Variants in DSP observed in about 807,000 individuals in gnomAD.
DSP encodes desmoplakin, also known as 250/210 kDa paraneoplastic pemphigus antigen.
Under a neutral mutation model 290.6 loss-of-function variants are expected in DSP, and 114 were observed. That is an observed-to-expected ratio of 0.39 (90% confidence interval 0.34 to 0.46). The LOEUF (loss-of-function observed/expected upper bound fraction) is 0.46. DSP is among the 20% of genes least tolerant of loss of function. The pLI is 0.99. For synonymous variants in DSP, 1,311 were observed against 1,316.4 expected (o/e 1.00, Z 0.09); for missense variants, 3,230 against 3,495.8 (o/e 0.92, Z 1.92).
At chr6:7,578,702 G>T (rs888262608) in intron 22 of DSP, 140 bp downstream of exon 22, 16 of 696,684 alleles carry the variant, frequency 2.3e-5, no homozygotes, top group Non-Finnish European at 3.4e-5. Flanking sequence ...AATACTGCTT[G>T]TTTGTAAGTC....
At position 7,579,524 on chromosome 6, in the gene DSP, A is replaced by C; in HGVS notation, c.3334A>C (p.Thr1112Pro). The C allele has an allele frequency of 1.2e-6, 2 of 1,613,974 alleles. No homozygotes were observed. The change falls in exon 23 of 24, where the codon ACC becomes CCC. Residue 1112 changes from threonine to proline, a missense_variant. This residue lies in a region of DSP where 1,714 missense variants were observed against 1,844.5 expected (regional missense o/e 0.93). Transcript: ENST00000379802. This position sits in a 1 kb window ranked among gnomAD's most constrained non-coding sequence, Gnocchi z 4.1. ...GQIKELNEKI[T>P]RLTYEIEDEK... ...AATAAAAGAACTCAATGAGAAGATC[A>C]CCCGACTGACTTATGAGATTGAAGA... is the stretch of plus-strand genomic sequence containing the variant.
intron 1 of DSP, among the ~76,000 whole-genome samples, chr6:7,551,775 T>G (rs969949163): frequency 2.0e-5 from 3 of 152,202 alleles, no homozygotes; most frequent in Non-Finnish European, 4.4e-5. Context: ...TCCTCCCTGA[T>G]TAAGTACAGC....
chr6:7,547,123 C>T (rs536956446), intron 1 of DSP, among the ~76,000 whole-genome samples: 1 of 152,020 alleles, frequency 6.6e-6, no homozygotes, highest in African/African-American at 2.4e-5. Context: ...AGTGCCTCAC[C>T]CCTTGATTTT....
intron 1 of DSP, among the ~76,000 whole-genome samples, chr6:7,546,185 TAGGTATTGCCAAGGTGGAGTGAC>T (rs1199214846): frequency 6.6e-6 from 1 of 152,054 alleles, no homozygotes; most frequent in Non-Finnish European, 1.5e-5. Context: ...GATGGAAAAG[TAGGTATTGCCAAGGTGGAGTGAC>T]AGCTTCAGCT....
chr6:7,547,820 T>C (rs1312090235), intron 1 of DSP, among the ~76,000 whole-genome samples: 1 of 152,152 alleles, frequency 6.6e-6, no homozygotes, highest in Non-Finnish European at 1.5e-5. Flanking sequence ...TATTTTTGAG[T>C]CTTGTAGGGA....
At chr6:7,545,944 T>C (rs1758159196) in intron 1 of DSP, among the ~76,000 whole-genome samples, 1 of 152,168 alleles carries the variant, frequency 6.6e-6, no homozygotes, top group Non-Finnish European at 1.5e-5. Flanking sequence ...GAAGCATCCT[T>C]TTTTGACCAA....
intron 1 of DSP, among the ~76,000 whole-genome samples, chr6:7,554,846 G>A (rs1758459889): frequency 6.6e-6 from 1 of 151,844 alleles, no homozygotes; most frequent in African/African-American, 2.4e-5. Context: ...TGTAAGACAG[G>A]GTCTTGCTAT....
At chr6:7,571,319 C>T in intron 13 of DSP, 64 bp from the exon 14 acceptor site, 1 of 1,597,410 alleles carries the variant, frequency 6.3e-7, no homozygotes, top group East Asian at 2.2e-5. Flanking sequence ...TTTTGGCCAA[C>T]TCTTCTTGAT....
At position 7,579,902 on chromosome 6, in the gene DSP, C is replaced by A. The variant is rs767519046; in HGVS notation, c.3712C>A (p.Gln1238Lys). ...GGATGATTCCAAAAATCTTAGAAAC[C>A]AGCTTGATAGACTTTCAAGGGAAAA... ...KEDDSKNLRN[Q>K]LDRLSRENRD... The change falls in exon 23 of 24, where the codon CAG (glutamine) becomes AAG (lysine). Residue 1238 changes from glutamine (Q) to lysine (K), a missense_variant. Gln to Lys is a moderately conservative substitution (Grantham distance 53). This residue lies in a region of DSP where 1,714 missense variants were observed against 1,844.5 expected (regional missense o/e 0.93). Transcript: ENST00000379802. This position sits in a 1 kb window ranked among gnomAD's most constrained non-coding sequence, Gnocchi z 4.1. 11 of 1,614,004 alleles carry A rather than the reference C, an allele frequency of 6.8e-6. No individual in the cohort carries two copies. Among genetic ancestry groups the A allele is most frequent in the Non-Finnish European group, 8.5e-6 (10 of 1,180,010 alleles).
intron 1 of DSP, among the ~76,000 whole-genome samples, chr6:7,544,180 C>A (rs1758102477): frequency 6.6e-6 from 1 of 152,176 alleles, no homozygotes; most frequent in Admixed American, 6.5e-5. Context: ...AATGGAGGTT[C>A]CTCTCGAGCC....
intron 1 of DSP, among the ~76,000 whole-genome samples, chr6:7,552,206 T>G (rs188269413): frequency 6.6e-6 from 1 of 152,314 alleles, no homozygotes; most frequent in African/African-American, 2.4e-5. Context: ...CCTATACAGT[T>G]GTTAATTTAT....
In DSP at chr6:7,585,383, G is replaced by T. The variant is rs2113704161; in HGVS notation, c.8121G>T (p.Met2707Ile). The change falls in exon 24 of 24, where the codon ATG (methionine) becomes ATT (isoleucine). Residue 2707 changes from methionine (M) to isoleucine (I), a missense_variant. Physicochemically the swap from Met to Ile is conservative, Grantham distance 10. Coordinates refer to ENST00000379802, the MANE Select transcript of DSP (RefSeq NM_004415.4). ...AGGGTGTGAAGGGAAAGAAGAAGAT[G>T]TCAGCAGCAGAGGCAGTGAAAGAAA... ...GFEGVKGKKK[M>I]SAAEAVKEKW... is the part of the protein sequence containing the mutation. 1 of 1,614,134 alleles carries T rather than the reference G, an allele frequency of 6.2e-7. No individual in the cohort carries two copies.
rs766338180 is a variant in DSP, at chr6:7,580,315, C to A, written c.4125C>A (p.Thr1375=). The A allele has an allele frequency of 6.2e-7, 1 of 1,613,810 alleles. No homozygotes were observed. Among genetic ancestry groups the A allele is most frequent in the Non-Finnish European group, 8.5e-7 (1 of 1,179,920 alleles). Residue 1375 remains threonine (T), a synonymous_variant, in exon 23 of 24, where the codon ACC becomes ACA. Coordinates refer to ENST00000379802, the MANE Select transcript of DSP (RefSeq NM_004415.4). This position sits in a 1 kb window ranked among gnomAD's most constrained non-coding sequence, Gnocchi z 4.2. The stretch of plus-strand genomic sequence containing the variant: ...AGACCGAGATCAACATCACCAAGAC[C>A]ACCATCCACCAGCTCACCATGCAGA... ...QFETEINITK[T]TIHQLTMQKE...
At chr6:7,576,757 T>G (rs1759251564) in intron 19 of DSP, among the ~76,000 whole-genome samples, 2 of 152,194 alleles carry the variant, frequency 1.3e-5, no homozygotes, top group African/African-American at 4.8e-5. Context: ...CTCTTACAGA[T>G]AGTAAGTTAA....
intron 17 of DSP, among the ~76,000 whole-genome samples, 158 bp from the exon 18 acceptor site, chr6:7,575,137 A>G (rs1450291704): frequency 6.6e-6 from 1 of 152,224 alleles, no homozygotes; most frequent in East Asian, 1.9e-4. Context: ...GGGAAATGCA[A>G]TTCAGTAAAT....
chr6:7,571,256 C>T, intron 13 of DSP, 127 bp from the exon 14 acceptor site: 1 of 890,178 alleles, frequency 1.1e-6, no homozygotes, highest in Non-Finnish European at 1.9e-6. Context: ...CCTTTTATAT[C>T]TTAATGAGCC....
At chr6:7,562,841 C>G in intron 5 of DSP, 61 bp downstream of exon 5, 1 of 1,608,700 alleles carries the variant, frequency 6.2e-7, no homozygotes, top group Non-Finnish European at 8.5e-7. Flanking sequence ...CGTGTAATTA[C>G]TCAATCCCAG....
In DSP at chr6:7,576,382, C is replaced by T. The variant is rs749051278; in HGVS notation, c.2719C>T (p.Arg907Cys). Reference sequence around the variant, plus strand: ...CTGCAAGTGGCTCTATGATGCTAAACGCCGCCAGGATTCCTTAGAATCCAT... The same window carrying T: ...CTGCAAGTGGCTCTATGATGCTAAATGCCGCCAGGATTCCTTAGAATCCAT... Reference protein sequence around the residue: ...AFCKWLYDAKRRQDSLESMKF... With the variant: ...AFCKWLYDAKCRQDSLESMKF... The change falls in exon 19 of 24, where the codon CGC becomes TGC. Residue 907 changes from arginine to cysteine, a missense_variant. By Grantham distance (180) the Arg-to-Cys change is radical. Around this residue, in one of 5 missense-constraint regions of DSP, gnomAD observed 1,714 missense variants for 1,844.5 expected, o/e 0.93. Transcript: ENST00000379802. The T allele has an allele frequency of 2.2e-5, 36 of 1,613,964 alleles. No individual in the cohort carries two copies. The highest frequency in any genetic ancestry group is 1.1e-4 in the East Asian group (5 of 44,874).
In DSP at chr6:7,566,394, G is replaced by A; in HGVS notation, c.957G>A (p.Leu319=). The A allele has an allele frequency of 6.2e-7, 1 of 1,613,518 alleles. No homozygotes were observed. The highest frequency in any genetic ancestry group is 8.5e-7 in the Non-Finnish European group (1 of 1,179,904). ...ATTCACAGATACGCATGAGTCAACT[G>A]GAAGTTAAAGAAAAAGAGCTCAATA... ...QEAFSIRMSQ[L]EVKEKELNKL... is the part of the protein sequence containing the mutation. The change falls in exon 8 of 24, where the codon CTG becomes CTA. Residue 319 remains leucine, a synonymous_variant. Transcript: ENST00000379802.
Sources: allele counts gnomAD v4.1 joint callset (sites outside exome capture counted in the v4.1 genomes callset), GRCh38; gene constraint gnomAD v4.1.1; regional missense constraint gnomAD v4.1.1; non-coding constraint Gnocchi (gnomAD v3.1); transcripts MANE v1.5; gene names NCBI Gene and HGNC (gene_info 2026-07-23, HGNC 2026-07-21).